TBC1D14: variants seen among roughly 807,000 people sequenced by gnomAD.
TBC1D14 encodes TBC1 domain family member 14.
A neutral mutation model predicts 79.0 loss-of-function variants in TBC1D14; 26 were observed. The ratio of observed to expected loss-of-function variants is 0.33; its 90% CI spans 0.24 to 0.46. The LOEUF is 0.46. Ranked by LOEUF, TBC1D14 falls within the 20% of genes least tolerant of loss-of-function variation. TBC1D14 has a pLI of 1.00. For synonymous variants in TBC1D14, 394 were observed against 349.9 expected, an observed-to-expected ratio of 1.13 and a Z score of -1.40; for missense variants, 769 against 887.6, an observed-to-expected ratio of 0.87 and a Z score of 1.70.
chr4:7,031,764 C>T lies in TBC1D14; in HGVS notation c.*1372C>T, dbSNP rs1312025169. On this transcript the variant is annotated 3_prime_UTR_variant, in exon 14 of 14. Transcript: ENST00000409757. ...TGTGTGCCTTGGGGTGCTCTGCACT[C>T]CACGGCCCTTCTCAGCCACACTTCC... is the stretch of plus-strand genomic sequence containing the variant. 1 of 152,390 alleles carries T rather than the reference C, an allele frequency of 6.6e-6. No individual in the cohort carries two copies. Among genetic ancestry groups the T allele is most frequent in the Non-Finnish European group, 1.5e-5 (1 of 68,210 alleles). The allele number at this position is 152,390 out of a possible 1,614,324, so 9.4% of individuals were successfully genotyped here.
In TBC1D14 at chr4:7,030,478, GAGA is replaced by G. The variant is rs1722948401; in HGVS notation, c.*91_*93del. ...GTTTCAGACTGACACCCGGGCAGCC[GAGA>G]AGAACAGACGCTCTTTAAGTTTGAT... On this transcript the variant is annotated 3_prime_UTR_variant, in exon 14 of 14. Coordinates refer to ENST00000409757, the MANE Select transcript of TBC1D14 (RefSeq NM_020773.3). 1 of 1,360,736 alleles carries G rather than the reference GAGA, an allele frequency of 7.3e-7. No individual in the cohort carries two copies. The highest frequency in any genetic ancestry group is 1.0e-6 in the Non-Finnish European group (1 of 960,628). The allele number at this position is 1,360,736 out of a possible 1,614,324, so 84.3% of individuals were successfully genotyped here.
chr4:7,000,580 T>C (rs541023655), intron 6 of TBC1D14, among the ~76,000 whole-genome samples: 35 of 152,346 alleles, frequency 2.3e-4, no homozygotes, highest in Non-Finnish European at 4.4e-4. Context: ...GTGTGTTCCG[T>C]GTCCCAGCAG....
At position 7,010,786 on chromosome 4, in the gene TBC1D14, G is replaced by A; in HGVS notation, c.1647+5G>A. The A allele has an allele frequency of 6.2e-7, 1 of 1,613,016 alleles. No homozygotes were observed. Among genetic ancestry groups the A allele is most frequent in the Non-Finnish European group, 8.5e-7 (1 of 1,179,550 alleles). On this transcript the variant is annotated splice_donor_5th_base_variant and intron_variant, in intron 11 of 13. Coordinates refer to ENST00000409757, the MANE Select transcript of TBC1D14 (RefSeq NM_020773.3). ...TTTAGAGTGGACCATGGCCTTGTGA[G>A]TATCCTCTGTGTTCGGGCCCTGGGT...
At chr4:6,958,174 C>T (rs1328980574) in intron 2 of TBC1D14, among the ~76,000 whole-genome samples, 2 of 152,152 alleles carry the variant, frequency 1.3e-5, no homozygotes, top group Admixed American at 6.5e-5. Context: ...AGGCATGAGT[C>T]AAGTCACTGT....
rs1214433930 is a variant in TBC1D14 at position 6,994,235 on chromosome 4, A to T, written c.895A>T (p.Asn299Tyr). The T allele has an allele frequency of 6.2e-7, 1 of 1,614,202 alleles. No homozygotes were observed. Among genetic ancestry groups the T allele is most frequent in the Non-Finnish European group, 8.5e-7 (1 of 1,180,018 alleles). ...TAGCAAGCCACCCTCTCCAAAGCAG[A>T]ATGTGAGGAAGAATCTTGACTTTGA... ...RPSKPPSPKQ[N>Y]VRKNLDFEPL... The change falls in exon 4 of 14, where the codon AAT becomes TAT. Residue 299 changes from asparagine to tyrosine, a missense_variant. By Grantham distance (143) the Asn-to-Tyr change is moderately radical (BLOSUM62 -2). Coordinates refer to ENST00000409757, the MANE Select transcript of TBC1D14 (RefSeq NM_020773.3).
intron 13 of TBC1D14, among the ~76,000 whole-genome samples, chr4:7,028,194 G>A (rs1444393735): frequency 6.6e-6 from 1 of 151,730 alleles, no homozygotes; most frequent in Non-Finnish European, 1.5e-5. Flanking sequence ...CCACGTACAG[G>A]TGCAGGTCAG....
intron 4 of TBC1D14, 53 bp downstream of exon 4, chr4:6,994,355 C>A: frequency 2.0e-6 from 3 of 1,521,504 alleles, no homozygotes; most frequent in Admixed American, 3.4e-5. Flanking sequence ...ATAAGTACAA[C>A]TTGCTAAGCA....
chr4:7,005,660 C>T (rs1235455122), intron 8 of TBC1D14, among the ~76,000 whole-genome samples: 1 of 151,884 alleles, frequency 6.6e-6, no homozygotes, highest in African/African-American at 2.4e-5. Context: ...GATCTCACCA[C>T]TGCACTCCAG....
intron 1 of TBC1D14, among the ~76,000 whole-genome samples, chr4:6,920,492 G>A (rs996534855): frequency 1.6e-4 from 24 of 152,220 alleles, no homozygotes; most frequent in African/African-American, 5.8e-4. Flanking sequence ...CACTGAGGCA[G>A]GCCAGGCTTC....
chr4:6,997,653 A>G (rs963473043), intron 5 of TBC1D14, among the ~76,000 whole-genome samples: 2 of 152,142 alleles, frequency 1.3e-5, no homozygotes, highest in African/African-American at 4.8e-5. Flanking sequence ...ATATATAACA[A>G]TGTGGTGTAT....
chr4:6,939,360 C>T (rs1560262719), intron 2 of TBC1D14, among the ~76,000 whole-genome samples: 2 of 148,234 alleles, frequency 1.3e-5, no homozygotes, highest in Admixed American at 6.7e-5. Context: ...TGCTGTGTGT[C>T]GACTCCCAGC....
intron 2 of TBC1D14, among the ~76,000 whole-genome samples, chr4:6,966,847 T>G (rs1045766185): frequency 1.3e-5 from 2 of 152,232 alleles, no homozygotes; most frequent in Non-Finnish European, 2.9e-5. Context: ...TCTTGCTCTG[T>G]CACCCAGGCT....
chr4:6,963,504 TGAGA>T, intron 2 of TBC1D14, among the ~76,000 whole-genome samples: 2 of 152,322 alleles, frequency 1.3e-5, no homozygotes, highest in East Asian at 3.9e-4. Flanking sequence ...GCACGTGACC[TGAGA>T]GTGATGTTTG....
intron 3 of TBC1D14, chr4:6,987,035 C>G (rs1717906705): frequency 2.1e-6 from 1 of 469,028 alleles, no homozygotes; most frequent in Admixed American, 5.2e-5. Flanking sequence ...GCGCGCGTCC[C>G]CGGTGTTTAC....
chr4:6,947,842 A>C (rs1198844676), intron 2 of TBC1D14, among the ~76,000 whole-genome samples: 1 of 152,098 alleles, frequency 6.6e-6, no homozygotes, highest in Admixed American at 6.6e-5. Flanking sequence ...TTCGTGGCAG[A>C]GTCATTTCAG....
At chr4:6,953,472 A>AAC (rs1370737513) in intron 2 of TBC1D14, among the ~76,000 whole-genome samples, 5 of 142,234 alleles carry the variant, frequency 3.5e-5, no homozygotes, top group Non-Finnish European at 7.7e-5. Context: ...AAAAAAAAAA[A>AAC]TACAAAAAAT....
At chr4:7,024,403 G>A (rs1722131517) in intron 12 of TBC1D14, among the ~76,000 whole-genome samples, 1 of 152,238 alleles carries the variant, frequency 6.6e-6, no homozygotes, top group Non-Finnish European at 1.5e-5. Flanking sequence ...AGCACTGTCA[G>A]TGTTGGGCAG....
chr4:6,973,962 T>C (rs1716482432), intron 3 of TBC1D14, among the ~76,000 whole-genome samples: 1 of 152,164 alleles, frequency 6.6e-6, no homozygotes, highest in African/African-American at 2.4e-5. Flanking sequence ...TAGCTGGGAC[T>C]ACAGGCGTGC....
intron 3 of TBC1D14, among the ~76,000 whole-genome samples, chr4:6,993,692 C>G (rs976318179): frequency 6.6e-5 from 10 of 152,172 alleles, no homozygotes; most frequent in Admixed American, 6.5e-5. Context: ...TATCATAAAG[C>G]AATGGTCTCA....
Sources: allele counts gnomAD v4.1 joint callset (sites outside exome capture counted in the v4.1 genomes callset), GRCh38; gene constraint gnomAD v4.1.1; transcripts MANE v1.5; gene names NCBI Gene and HGNC (gene_info 2026-07-23, HGNC 2026-07-21).